The following GATAD1 variants were observed in gnomAD, a reference collection of about 807,000 sequenced individuals.
GATAD1 encodes GATA zinc finger domain containing 1.
A neutral mutation model predicts 26.5 loss-of-function variants in GATAD1; 12 were observed. That is an observed-to-expected ratio of 0.45 (90% CI 0.29 to 0.73). GATAD1 has a LOEUF of 0.73. Ranked by LOEUF, GATAD1 falls within the 30% of genes least tolerant of loss-of-function variation. The pLI, the probability that GATAD1 is intolerant of heterozygous loss-of-function variation, is 0.10. For missense variants in GATAD1, 266 were observed against 342.1 expected (o/e 0.78, Z 1.75); for synonymous variants, 129 against 133.1 (o/e 0.97, Z 0.21).
At chr7:92,491,148 T>C in the GATAD1 span, 1 of 693,522 alleles carries the variant, frequency 1.4e-6, no homozygotes, top group African/African-American at 1.8e-5. Flanking sequence ...ACAAGACTAT[T>C]TTACTGAAGA....
Position 92,460,038 on chromosome 7 carries a change from C to T in GATAD1, c.*3476C>T, listed in dbSNP as rs928273475. ...GATGAGTTTTAAATAGTTCTCTTAA[C>T]ACAAATAAAGCTTAATATGAGTATT... On this transcript the variant is annotated 3_prime_UTR_variant, in exon 5 of 5. Transcript: ENST00000287957. 9.2e-5 allele frequency among the ~76,000 whole-genome samples: 14 copies of T among 152,132 alleles called. No homozygotes were observed. Among genetic ancestry groups the T allele is most frequent in the Non-Finnish European group, 2.9e-5 (2 of 68,032 alleles).
chr7:92,468,430 T>C, the GATAD1 span: 10,424 of 195,378 alleles, frequency 0.053, 640 homozygotes, highest in East Asian at 0.27. Flanking sequence ...AGAGCTCCCA[T>C]ACAAAGGGAG....
chr7:92,471,497 A>G, the GATAD1 span: 1 of 152,222 alleles, frequency 6.6e-6, no homozygotes, highest in African/African-American at 2.4e-5. Context: ...TTCAGTGGCT[A>G]GCCGTCCCGA....
At chr7:92,452,897 T>G (rs180870728) in intron 3 of GATAD1, among the ~76,000 whole-genome samples, 1 of 152,388 alleles carries the variant, frequency 6.6e-6, no homozygotes, top group African/African-American at 2.4e-5. Context: ...TATTCTCATT[T>G]AGAATTTGGG....
rs1463275968 is a variant in GATAD1 at position 92,459,398 on chromosome 7, C to T, written c.*2836C>T. On this transcript the variant is annotated 3_prime_UTR_variant, in exon 5 of 5. Coordinates refer to ENST00000287957, the MANE Select transcript of GATAD1 (RefSeq NM_021167.5). ...TATAAATTGGCAGATGGTTGTGTAC[C>T]ATCTTTTAAAATAAAGATTGAATTT... The T allele has an allele frequency of 2.0e-5, 3 of 151,884 alleles. No individual in the cohort carries two copies. Among genetic ancestry groups the T allele is most frequent in the Non-Finnish European group, 2.9e-5 (2 of 67,986 alleles). 9.4% of individuals were successfully genotyped at this position (151,884 alleles called of 1,614,324 possible).
intron 3 of GATAD1, among the ~76,000 whole-genome samples, chr7:92,453,391 C>T (rs1789523592): frequency 6.6e-6 from 1 of 152,120 alleles, no homozygotes; most frequent in African/African-American, 2.4e-5. Flanking sequence ...GCTCAAGACC[C>T]AGGGAAGAGG....
downstream of GATAD1, among the ~76,000 whole-genome samples, chr7:92,460,612 C>G (rs1190606865): frequency 2.6e-5 from 4 of 152,056 alleles, no homozygotes; most frequent in South Asian, 4.2e-4. Flanking sequence ...AGCAATTCTG[C>G]AAACAAGAAG....
At position 92,447,750 on chromosome 7, in the gene GATAD1, C is replaced by T; in HGVS notation, c.21C>T (p.Pro7=). ...CCACCATGCCGCTGGGCCTGAAGCC[C>T]ACCTGCAGCGTATGCAAGACCACGT... is the stretch of plus-strand genomic sequence containing the variant. The part of the protein sequence containing the change: MPLGLK[P]TCSVCKTTSS... Residue 7 remains proline (P), a synonymous_variant, in exon 1 of 5, where the codon CCC becomes CCT. Transcript: ENST00000287957. The T allele has an allele frequency of 6.7e-7, 1 of 1,497,456 alleles. No homozygotes were observed. The highest frequency in any genetic ancestry group is 8.9e-7 in the Non-Finnish European group (1 of 1,122,920). The allele number at this position is 1,497,456 out of a possible 1,614,324, so 92.8% of individuals were successfully genotyped here.
chr7:92,477,314 G>C, the GATAD1 span: 2 of 152,286 alleles, frequency 1.3e-5, no homozygotes, highest in African/African-American at 4.8e-5. Flanking sequence ...CAAGTGCCCG[G>C]TATTTTCCTC....
the GATAD1 span, among the ~76,000 whole-genome samples, chr7:92,492,065 T>C: frequency 6.6e-6 from 1 of 152,236 alleles, no homozygotes; most frequent in Admixed American, 6.5e-5. Flanking sequence ...AAATATCTAC[T>C]GTAAATATTA....
chr7:92,468,591 T>G, the GATAD1 span: 1 of 496,846 alleles, frequency 2.0e-6, no homozygotes, highest in Non-Finnish European at 3.5e-6. Flanking sequence ...GCTCTCTGAT[T>G]GGTCAGGTGT....
chr7:92,463,386 C>T (rs913047482), downstream of GATAD1, among the ~76,000 whole-genome samples: 4 of 152,124 alleles, frequency 2.6e-5, no homozygotes, highest in African/African-American at 9.7e-5. Flanking sequence ...CGCAGTGGCT[C>T]ATGGCTGTAA....
the GATAD1 span, chr7:92,471,491 G>A: frequency 6.6e-6 from 1 of 152,324 alleles, no homozygotes; most frequent in Admixed American, 6.5e-5. Context: ...CCCTTCTTCA[G>A]TGGCTAGCCG....
chr7:92,471,940 G>C, the GATAD1 span: 1 of 152,192 alleles, frequency 6.6e-6, no homozygotes, highest in Non-Finnish European at 1.5e-5. Flanking sequence ...AGTTCTGCTA[G>C]CTGAGCACTA....
At chr7:92,456,310 T>A (rs1789668342) in intron 4 of GATAD1, 62 bp from the exon 5 acceptor site, 7 of 1,134,364 alleles carry the variant, frequency 6.2e-6, no homozygotes, top group Admixed American at 2.2e-5. Flanking sequence ...AATTTTAACA[T>A]CTTATGAAAA....
the GATAD1 span, among the ~76,000 whole-genome samples, chr7:92,494,926 T>TTA: frequency 6.6e-6 from 1 of 151,848 alleles, no homozygotes; most frequent in African/African-American, 2.4e-5. Flanking sequence ...AGGTGTTTAT[T>TTA]AAGACCCATG....
rs575336652 is a variant in GATAD1 at position 92,455,332 on chromosome 7, C to T, written c.619+647C>T. ...AACTGTACTACAAGAATGTATTGCT[C>T]AGGAACTAGGTTATTTAGGTTACTT... On this transcript the variant is annotated intron_variant, in intron 4 of 4. Coordinates refer to ENST00000287957, the MANE Select transcript of GATAD1 (RefSeq NM_021167.5). 1.5e-4 allele frequency among the ~76,000 whole-genome samples: 23 copies of T among 152,190 alleles called. No homozygotes were observed. In the South Asian group the frequency reaches 4.8e-3, roughly 32 times the overall value.
rs1465905879 is a variant in GATAD1 at position 92,457,959 on chromosome 7, A to G, written c.*1397A>G. 6.6e-6 allele frequency: 1 copy of G among 152,214 alleles called. No individual in the cohort carries two copies. 9.4% of individuals were successfully genotyped at this position (152,214 alleles called of 1,614,324 possible). On this transcript the variant is annotated 3_prime_UTR_variant, in exon 5 of 5. Coordinates refer to ENST00000287957, the MANE Select transcript of GATAD1 (RefSeq NM_021167.5). The stretch of plus-strand genomic sequence containing the variant: ...CAGGACCAGCCTGGCCAACATGATG[A>G]AACCCTGTCTCTACTAAATATACAA...
At chr7:92,494,350 A>G in the GATAD1 span, 4 of 1,613,974 alleles carry the variant, frequency 2.5e-6, no homozygotes, top group African/African-American at 5.3e-5. Context: ...TAAGCAGGGC[A>G]GGGTCAATCA....
Sources: allele counts gnomAD v4.1 joint callset (sites outside exome capture counted in the v4.1 genomes callset), GRCh38; gene constraint gnomAD v4.1.1; transcripts MANE v1.5; gene names NCBI Gene and HGNC (gene_info 2026-07-23, HGNC 2026-07-21).